Variants in MDGA2 observed in about 807,000 individuals in gnomAD.
MDGA2 encodes MAM domain containing glycosylphosphatidylinositol anchor 2, also known as MAM domain-containing glycosylphosphatidylinositol anchor protein 2.
In MDGA2, 40 loss-of-function variants were observed where a neutral mutation model predicts 117.8. The observed-to-expected ratio is 0.34, with a 90% CI of 0.26 to 0.44. The LOEUF (loss-of-function observed/expected upper bound fraction) is 0.44. Among genes scored for constraint, MDGA2 ranks in the 20% least tolerant of loss-of-function variants. The pLI is 1.00. For missense variants in MDGA2, 1,123 were observed against 1,250.6 expected, an observed-to-expected ratio of 0.90 and a Z score of 1.54; for synonymous variants, 452 against 439.0, an observed-to-expected ratio of 1.03 and a Z score of -0.37.
At chr14:47,165,988 T>A (rs1393522681) in intron 3 of MDGA2, among the ~76,000 whole-genome samples, 1 of 151,664 alleles carries the variant, frequency 6.6e-6, no homozygotes, top group Non-Finnish European at 1.5e-5. Context: ...CTATACACCC[T>A]TTTCTGTGTT....
chr14:47,422,641 G>T (rs1892602872), intron 1 of MDGA2, among the ~76,000 whole-genome samples: 2 of 152,100 alleles, frequency 1.3e-5, no homozygotes, highest in South Asian at 4.2e-4. Flanking sequence ...ATCTATTTTT[G>T]CCATCCTTCT....
At chr14:47,439,263 C>A (rs943942729) in intron 1 of MDGA2, among the ~76,000 whole-genome samples, 1 of 151,978 alleles carries the variant, frequency 6.6e-6, no homozygotes, top group Non-Finnish European at 1.5e-5. Context: ...AGGAAATGAA[C>A]CATGATATAA....
At chr14:47,443,822 T>A (rs570328963) in intron 1 of MDGA2, among the ~76,000 whole-genome samples, 1 of 152,274 alleles carries the variant, frequency 6.6e-6, no homozygotes, top group African/African-American at 2.4e-5. Flanking sequence ...AATTTCGGCA[T>A]CCATAAGAGA....
At chr14:46,975,100 C>T (rs1293399018) in intron 8 of MDGA2, among the ~76,000 whole-genome samples, 3 of 152,146 alleles carry the variant, frequency 2.0e-5, no homozygotes, top group East Asian at 3.9e-4. Flanking sequence ...AGATGCTCAA[C>T]ATCACTAGTC....
chr14:47,053,143 C>T (rs1352972293), intron 7 of MDGA2, among the ~76,000 whole-genome samples: 1 of 151,884 alleles, frequency 6.6e-6, no homozygotes, highest in Non-Finnish European at 1.5e-5. Context: ...TTTTTTTCTA[C>T]TCAAATTAGA....
chr14:46,931,751 G>A (rs1367746986), intron 9 of MDGA2, among the ~76,000 whole-genome samples: 1 of 152,000 alleles, frequency 6.6e-6, no homozygotes, highest in Non-Finnish European at 1.5e-5. Flanking sequence ...TTGAACTCCT[G>A]ACCTCAGGTG....
At chr14:47,556,926 T>C (rs190227880) in intron 1 of MDGA2, among the ~76,000 whole-genome samples, 1 of 152,166 alleles carries the variant, frequency 6.6e-6, no homozygotes, top group Non-Finnish European at 1.5e-5. Context: ...AATCGAGGAT[T>C]TCTCCCCAGT....
At chr14:47,007,023 C>T (rs1164446704) in intron 8 of MDGA2, among the ~76,000 whole-genome samples, 1 of 151,714 alleles carries the variant, frequency 6.6e-6, no homozygotes, top group Non-Finnish European at 1.5e-5. Flanking sequence ...TACCAAGAAA[C>T]TTTAAGAATA....
At chr14:47,587,611 G>A (rs531914465) in intron 1 of MDGA2, among the ~76,000 whole-genome samples, 126 of 151,966 alleles carry the variant, frequency 8.3e-4, no homozygotes, top group African/African-American at 2.7e-3. Flanking sequence ...CCCGAGTCAT[G>A]TTGAGGTAGC....
In MDGA2 at chr14:46,931,214, CAAAAAAAAAAAAA is replaced by C. The variant is rs34493526; in HGVS notation, c.2090-11067_2090-11055del. Among the ~76,000 whole-genome samples, 95 of 76,288 alleles carry C rather than the reference CAAAAAAAAAAAAA, an allele frequency of 1.2e-3. 2 individuals are homozygous for C. The Admixed American group carries it at 0.016, about 13-fold the overall frequency. The allele number at this position is 76,288 out of a possible 152,430, so 50.0% of individuals were successfully genotyped here. ...TGGGTGACAGAGTGAGACTACATCT[CAAAAAAAAAAAAA>C]AAAAAAAAACTCAAAATCTTTTTAT... On this transcript the variant is annotated intron_variant, in intron 9 of 16. Transcript: ENST00000399232.
intron 1 of MDGA2, among the ~76,000 whole-genome samples, chr14:47,481,355 G>A (rs1023279830): frequency 3.3e-5 from 5 of 151,922 alleles, no homozygotes; most frequent in Non-Finnish European, 5.9e-5. Flanking sequence ...ACCGGTTTAC[G>A]GGAAATGAAA....
At chr14:47,389,366 A>G (rs17118508) in intron 1 of MDGA2, among the ~76,000 whole-genome samples, 39,663 of 152,006 alleles carry the variant, frequency 0.26, 5,370 homozygotes, top group South Asian at 0.45. Flanking sequence ...ACTGACATAT[A>G]ATGACTAAAA....
chr14:46,985,699 G>A (rs1886835073), intron 8 of MDGA2, among the ~76,000 whole-genome samples: 1 of 151,996 alleles, frequency 6.6e-6, no homozygotes, highest in Non-Finnish European at 1.5e-5. Flanking sequence ...TGATAAAGTC[G>A]AGCATTAGTG....
intron 1 of MDGA2, among the ~76,000 whole-genome samples, chr14:47,405,035 T>C (rs1242162797): frequency 6.6e-6 from 1 of 152,186 alleles, no homozygotes; most frequent in Non-Finnish European, 1.5e-5. Flanking sequence ...ATGAATGATG[T>C]TTATAGCAAT....
In MDGA2 at chr14:47,133,038, A is replaced by G. The variant is rs188925424; in HGVS notation, c.793-1192T>C. Among the ~76,000 whole-genome samples, 228 of 151,772 alleles carry G rather than the reference A, an allele frequency of 1.5e-3. No homozygotes were observed. In the South Asian group the frequency reaches 0.018, roughly 12 times the overall value. On this transcript the variant is annotated intron_variant, in intron 4 of 16. Coordinates refer to ENST00000399232, the MANE Select transcript of MDGA2 (RefSeq NM_001113498.3). ...TTCTAGTGTGCATGGAATTGTGGCC[A>G]TAAGTATTTTCATTCACTGTCCAAA... is the stretch of plus-strand genomic sequence containing the variant.
chr14:47,108,563 A>AC (rs1880861419), intron 5 of MDGA2, among the ~76,000 whole-genome samples: 1 of 145,880 alleles, frequency 6.9e-6, no homozygotes, highest in Admixed American at 6.9e-5. Flanking sequence ...GCACCTTGCG[A>AC]CCCCCACTCC....
intron 2 of MDGA2, among the ~76,000 whole-genome samples, chr14:47,293,501 TACTCC>T (rs1888957746): frequency 6.6e-6 from 1 of 152,220 alleles, no homozygotes; most frequent in South Asian, 2.1e-4. Context: ...CAGGCAAGAA[TACTCC>T]ACCTACTTTG....
chr14:47,302,412 C>A (rs190085264), intron 1 of MDGA2, among the ~76,000 whole-genome samples: 2 of 152,194 alleles, frequency 1.3e-5, no homozygotes, highest in Admixed American at 1.3e-4. Flanking sequence ...GTGAACTAAG[C>A]ATTTTTGTTT....
At chr14:47,621,998 G>T (rs542969846) in intron 1 of MDGA2, among the ~76,000 whole-genome samples, 2 of 152,232 alleles carry the variant, frequency 1.3e-5, no homozygotes, top group African/African-American at 4.8e-5. Flanking sequence ...TGGGCATGGT[G>T]ATAAGCACTG....
Sources: gnomAD v4.1 joint callset for allele counts (sites outside exome capture counted in the v4.1 genomes callset) on GRCh38, gnomAD v4.1.1 for gene constraint, MANE v1.5 for transcripts, NCBI Gene and HGNC (gene_info 2026-07-23, HGNC 2026-07-21) for gene names.